EPB41: variants seen among roughly 807,000 people sequenced by gnomAD.
EPB41 encodes the protein protein 4.1.
Under a neutral mutation model 108.0 loss-of-function variants are expected in EPB41, and 65 were observed. The observed-to-expected ratio is 0.60, with a 90% confidence interval of 0.49 to 0.74. The LOEUF (loss-of-function observed/expected upper bound fraction) is 0.74, where lower values mean the gene tolerates loss of function less well. Ranked by LOEUF, EPB41 falls within the 30% of genes least tolerant of loss-of-function variation. The pLI is 0.00. For synonymous variants in EPB41, 336 were observed against 358.9 expected (o/e 0.94, Z 0.72); for missense variants, 875 against 1,037.0 (o/e 0.84, Z 2.15).
rs536828455 is a variant in EPB41, at chr1:29,068,759, G to A, written c.2184+3601G>A. On this transcript the variant is annotated intron_variant, in intron 16 of 20. Transcript: ENST00000343067. ...TGAAGAAAACTTCTGTCCTACCCTC[G>A]GAAAGAAAGGTTGGTGGGCCAGAGG... The A allele has an allele frequency of 2.6e-5, 32 of 1,232,044 alleles. No homozygotes were observed. The South Asian group carries it at 4.9e-4, about 19-fold the overall frequency. The allele number at this position is 1,232,044 out of a possible 1,614,324, so 76.3% of individuals were successfully genotyped here.
chr1:28,994,373 G>A (rs1350400417), intron 3 of EPB41, among the ~76,000 whole-genome samples: 3 of 151,162 alleles, frequency 2.0e-5, no homozygotes, highest in Non-Finnish European at 3.0e-5. Flanking sequence ...GGGTTTCACC[G>A]TGTTAGCCAG....
At chr1:29,069,364 A>G in intron 16 of EPB41, 1 of 1,230,680 alleles carries the variant, frequency 8.1e-7, no homozygotes, top group Non-Finnish European at 1.0e-6. Context: ...TCTCAATTGG[A>G]CAATTGGGGA....
intron 17 of EPB41, among the ~76,000 whole-genome samples, chr1:29,106,712 G>A (rs1042201199): frequency 6.6e-6 from 1 of 150,420 alleles, no homozygotes; most frequent in Non-Finnish European, 1.5e-5. Flanking sequence ...TGGCTGGGAC[G>A]ACAGGCGTTT....
At chr1:29,003,731 C>A (rs1453618340) in intron 4 of EPB41, among the ~76,000 whole-genome samples, 1 of 152,232 alleles carries the variant, frequency 6.6e-6, no homozygotes, top group East Asian at 1.9e-4. Context: ...CTACTGACTG[C>A]GTGATAATGG....
Position 28,887,775 on chromosome 1 carries a change from C to T in EPB41, c.-8+565C>T, listed in dbSNP as rs1444488180. 8 of 787,074 alleles carry T rather than the reference C, an allele frequency of 1.0e-5. No individual in the cohort carries two copies. The East Asian group carries it at 6.3e-4, about 62-fold the overall frequency. 48.8% of individuals were successfully genotyped at this position (787,074 alleles called of 1,614,324 possible). On this transcript the variant is annotated intron_variant, in intron 1 of 16. Coordinates refer to the EPB41 transcript ENST00000347529. The surrounding 1 kb of genome is among the most constrained non-coding windows in gnomAD (Gnocchi z 4.9). ...CCGGCTGTGCCCGCCAGGGTGGCCC[C>T]CCCGGCCGTCGCGCCAGCCCCACAC...
chr1:28,935,609 A>G (rs1477695847), intron 1 of EPB41, among the ~76,000 whole-genome samples: 1 of 151,894 alleles, frequency 6.6e-6, no homozygotes, highest in Non-Finnish European at 1.5e-5. Flanking sequence ...TCCATCGAGT[A>G]GGTAATCTCT....
intron 11 of EPB41, among the ~76,000 whole-genome samples, chr1:29,052,595 A>G (rs1337560723): frequency 6.6e-6 from 1 of 152,202 alleles, no homozygotes; most frequent in Non-Finnish European, 1.5e-5. Flanking sequence ...CAGAAGAGCC[A>G]TTTATCAAGT....
In EPB41 at chr1:28,901,221, A is replaced by G. The variant is rs368243979; in HGVS notation, c.-8+14011A>G. ...TGGGATTACAGGCGTGAGCCACTGC[A>G]CCCGGCTATTTATTTACTTTTTGAG... On this transcript the variant is annotated intron_variant, in intron 1 of 16. Coordinates refer to the EPB41 transcript ENST00000347529. 2.0e-3 allele frequency among the ~76,000 whole-genome samples: 244 copies of G among 119,486 alleles called. 22 individuals carry two copies. Among genetic ancestry groups the G allele is most frequent in the Middle Eastern group, 9.2e-3 (2 of 218 alleles). The allele number at this position is 119,486 out of a possible 152,430, so 78.4% of individuals were successfully genotyped here. A position where few individuals can be genotyped will look rare whatever the true frequency, so the allele number is the denominator to read the frequency against.
chr1:28,962,595 C>G (rs1294883148), intron 1 of EPB41, among the ~76,000 whole-genome samples: 2 of 152,254 alleles, frequency 1.3e-5, no homozygotes, highest in South Asian at 2.1e-4. Context: ...TCCCCAGCCC[C>G]TGCAACTCTA....
chr1:28,950,319 C>G (rs552165788), intron 1 of EPB41, among the ~76,000 whole-genome samples: 48 of 152,310 alleles, frequency 3.2e-4, no homozygotes, highest in African/African-American at 1.1e-3. Flanking sequence ...ACATAGATAG[C>G]AAGTGGCTGA....
At chr1:28,981,419 G>A (rs1477910129) in intron 1 of EPB41, among the ~76,000 whole-genome samples, 1 of 152,134 alleles carries the variant, frequency 6.6e-6, no homozygotes, top group Non-Finnish European at 1.5e-5. Context: ...TGCTCTAAAA[G>A]GAAAAAAGCA....
intron 11 of EPB41, among the ~76,000 whole-genome samples, chr1:29,040,567 C>T (rs1641111881): frequency 6.6e-6 from 1 of 152,092 alleles, no homozygotes; most frequent in African/African-American, 2.4e-5. Flanking sequence ...GGGTGTGATC[C>T]ACCATGCCCA....
At chr1:29,025,971 G>A (rs2096713953) in intron 7 of EPB41, among the ~76,000 whole-genome samples, 2 of 152,094 alleles carry the variant, frequency 1.3e-5, no homozygotes, top group Admixed American at 1.3e-4. Flanking sequence ...TGGGGGAAAA[G>A]CCTACACAGG....
At chr1:29,089,785 T>G (rs945438538) in intron 16 of EPB41, among the ~76,000 whole-genome samples, 1 of 152,204 alleles carries the variant, frequency 6.6e-6, no homozygotes, top group African/African-American at 2.4e-5. Flanking sequence ...TCTGTCTTAC[T>G]AAAACCCAGT....
At chr1:28,947,894 A>G (rs2094545641) in intron 1 of EPB41, among the ~76,000 whole-genome samples, 2 of 152,198 alleles carry the variant, frequency 1.3e-5, no homozygotes, top group Admixed American at 6.5e-5. Flanking sequence ...ATTTTATATT[A>G]GTTCTTGCTA....
At chr1:29,093,389 A>G (rs537784754) in intron 16 of EPB41, among the ~76,000 whole-genome samples, 12 of 152,186 alleles carry the variant, frequency 7.9e-5, no homozygotes, top group African/African-American at 2.2e-4. Flanking sequence ...CCATTTTTTA[A>G]TGGAGTTGTT....
At chr1:29,036,433 G>A (rs910440079) in intron 10 of EPB41, among the ~76,000 whole-genome samples, 1 of 151,552 alleles carries the variant, frequency 6.6e-6, no homozygotes, top group African/African-American at 2.4e-5. Flanking sequence ...CTAATTTTTT[G>A]TATTTTTAAT....
At position 28,960,282 on chromosome 1, in the gene EPB41, A is replaced by T. The variant is rs952807334; in HGVS notation, c.-7-27149A>T. On this transcript the variant is annotated intron_variant, in intron 1 of 20. Transcript: ENST00000343067. The stretch of plus-strand genomic sequence containing the variant: ...CACCTTGGCCTCCCAAAGTGTTGGG[A>T]TTACAGGTGTGAGTCACTATATCCA... Among the ~76,000 whole-genome samples, 12 of 151,974 alleles carry T rather than the reference A, an allele frequency of 7.9e-5. No homozygotes were observed. The East Asian group carries it at 1.6e-3, about 20-fold the overall frequency.
At chr1:28,973,570 A>AT (rs1256093044) in intron 1 of EPB41, among the ~76,000 whole-genome samples, 7 of 151,560 alleles carry the variant, frequency 4.6e-5, no homozygotes, top group Non-Finnish European at 1.0e-4. Context: ...TTTTATTTTT[A>AT]TTTTTTTAGA....
Sources: allele counts gnomAD v4.1 joint callset (sites outside exome capture counted in the v4.1 genomes callset), GRCh38; gene constraint gnomAD v4.1.1; non-coding constraint Gnocchi (gnomAD v3.1); transcripts MANE v1.5; gene names NCBI Gene and HGNC (gene_info 2026-07-23, HGNC 2026-07-21).